Variants in MED24 observed in about 807,000 individuals in gnomAD.
The protein encoded by MED24 is mediator complex subunit 24.
A neutral mutation model predicts 118.8 loss-of-function variants in MED24; 74 were observed. The ratio of observed to expected loss-of-function variants is 0.62; its 90% CI spans 0.52 to 0.76. The LOEUF (loss-of-function observed/expected upper bound fraction) is 0.76, where lower values mean the gene tolerates loss of function less well. Ranked by LOEUF, MED24 falls within the 30% of genes least tolerant of loss-of-function variation. MED24 has a pLI of 0.00. For missense variants in MED24, 1,041 were observed against 1,278.9 expected (o/e 0.81, Z 2.84); for synonymous variants, 521 against 523.9 (o/e 0.99, Z 0.08).
At position 40,022,024 on chromosome 17, in the gene MED24, C is replaced by G; in HGVS notation, c.2554G>C (p.Val852Leu). ...AGTCGCATCAACTTCGAAGGCTGCACATCGTCCAGGGGGAAGAGGCTGATA... is the reference window on the plus strand; with the variant it reads ...AGTCGCATCAACTTCGAAGGCTGCAGATCGTCCAGGGGGAAGAGGCTGATA... ...DYISLFPLDD[V>L]QPSKLMRLLS... The change falls in exon 23 of 26, where the codon GTG becomes CTG. Residue 852 changes from valine to leucine, a missense_variant. Physicochemically the swap from Val to Leu is conservative, Grantham distance 32 (BLOSUM62 1). Around this residue, in one of 3 missense-constraint regions of MED24, gnomAD observed 587 missense variants for 694.4 expected, o/e 0.85. Coordinates refer to ENST00000394128, the MANE Select transcript of MED24 (RefSeq NM_014815.4). 3 of 1,611,654 alleles carry G rather than the reference C, an allele frequency of 1.9e-6. No homozygotes were observed. Among genetic ancestry groups the G allele is most frequent in the Non-Finnish European group, 2.5e-6 (3 of 1,178,796 alleles).
At chr17:40,044,246 G>A (rs769974223) in intron 3 of MED24, among the ~76,000 whole-genome samples, 7 of 151,860 alleles carry the variant, frequency 4.6e-5, no homozygotes, top group East Asian at 1.9e-4. Context: ...TAGGCCGGGC[G>A]CAGTGGCTTA....
rs372527211 is a variant in MED24 at position 40,029,814 on chromosome 17, A to G, written c.1200T>C (p.Asn400=). 6.2e-7 allele frequency: 1 copy of G among 1,614,090 alleles called. No homozygotes were observed. Among genetic ancestry groups the G allele is most frequent in the Non-Finnish European group, 8.5e-7 (1 of 1,179,994 alleles). Residue 400 remains asparagine, a synonymous_variant, in exon 13 of 26, where the codon AAT becomes AAC. Coordinates refer to ENST00000394128, the MANE Select transcript of MED24 (RefSeq NM_014815.4). ...EHAPQQKSGE[N]ANIQPNIQLI... ...GCTGGATGTTGGGCTGGATGTTGGC[A>G]TTCTCTCCCGATTTCTGCTGGGGTG... is the stretch of plus-strand genomic sequence containing the variant.
intron 19 of MED24, among the ~76,000 whole-genome samples, chr17:40,024,882 C>T (rs1299918300): frequency 1.3e-5 from 2 of 152,010 alleles, no homozygotes; most frequent in Non-Finnish European, 2.9e-5. Context: ...ATTGCAGGCG[C>T]CTGCCACCAC....
chr17:40,019,552 C>A lies in MED24; in HGVS notation c.2947G>T (p.Ala983Ser). ...CCTCAGAGTGCAGCAATGGCTTTAG[C>A]AGCCACCTGGCGGCCCAGGGGCAGG... ...LSLPLGRQVA[A>S]KAIAAL Residue 983 changes from alanine (A) to serine (S), a missense_variant, in exon 26 of 26, where the codon GCT (alanine) becomes TCT (serine). Ala to Ser is a moderately conservative substitution (Grantham distance 99). Around this residue, in one of 3 missense-constraint regions of MED24, gnomAD observed 587 missense variants for 694.4 expected, o/e 0.85. Coordinates refer to ENST00000394128, the MANE Select transcript of MED24 (RefSeq NM_014815.4). 2 of 1,612,368 alleles carry A rather than the reference C, an allele frequency of 1.2e-6. No individual in the cohort carries two copies. The highest frequency in any genetic ancestry group is 1.7e-6 in the Non-Finnish European group (2 of 1,179,596).
chr17:40,023,352 CG>C lies in MED24; in HGVS notation c.2028del (p.Asp676GlufsTer36). 6.2e-7 allele frequency: 1 copy of C among 1,611,944 alleles called. No homozygotes were observed. The highest frequency in any genetic ancestry group is 8.5e-7 in the Non-Finnish European group (1 of 1,178,710). On this transcript the variant is annotated frameshift_variant, in exon 20 of 26. Coordinates refer to ENST00000394128, the MANE Select transcript of MED24 (RefSeq NM_014815.4). LOFTEE classifies it high-confidence loss of function. ...ATCTGCGTGGCTGTCTGCTGCAGCA[CG>C]TCGGCACACATGCGCTCCAGGATCG... is the stretch of plus-strand genomic sequence containing the variant. Reference protein sequence around the residue: ...MNSILERMCADVLQQTATQIK... With the variant: ...MNSILERMCAXVLQQTATQIK...
chr17:40,028,803 G>T, intron 14 of MED24, 23 bp downstream of exon 14: 3 of 1,612,664 alleles, frequency 1.9e-6, no homozygotes, highest in Non-Finnish European at 1.7e-6. Context: ...ACGCCCTGGG[G>T]TCAGGGGCTT....
intron 3 of MED24, among the ~76,000 whole-genome samples, chr17:40,047,806 T>C (rs945981772): frequency 4.0e-5 from 6 of 151,540 alleles, no homozygotes; most frequent in Non-Finnish European, 8.8e-5. Context: ...CTCGGTTCAC[T>C]GCAACCTCCG....
intron 24 of MED24, 153 bp from the exon 25 acceptor site, chr17:40,020,086 T>A: frequency 9.6e-7 from 1 of 1,038,984 alleles, no homozygotes. Flanking sequence ...TAAAAGGCAA[T>A]TGGGGAGGGG....
chr17:40,036,686 CA>C (rs68118020), intron 3 of MED24, among the ~76,000 whole-genome samples: 23,973 of 91,114 alleles, frequency 0.26, 1,880 homozygotes, highest in African/African-American at 0.39. Flanking sequence ...GACTCTGTCT[CA>C]AAAAAAAAAA....
At chr17:40,044,114 T>G (rs1598364954) in intron 3 of MED24, among the ~76,000 whole-genome samples, 5 of 100,702 alleles carry the variant, frequency 5.0e-5, no homozygotes, top group Admixed American at 3.0e-4. Flanking sequence ...GATGAAGGAG[T>G]GAGACTCTGT....
At position 40,033,547 on chromosome 17, in the gene MED24, G is replaced by A. The variant is rs867011704; in HGVS notation, c.560-91C>T. Reference sequence around the variant, plus strand: ...ACTCCTCGATTTTGGCACTCCCTCCGGCACACGAAACCACACAGGAAGGCT... The same window carrying A: ...ACTCCTCGATTTTGGCACTCCCTCCAGCACACGAAACCACACAGGAAGGCT... On this transcript the variant is annotated intron_variant, in intron 6 of 25. Coordinates refer to ENST00000394128, the MANE Select transcript of MED24 (RefSeq NM_014815.4). This position sits in a 1 kb window ranked among gnomAD's most constrained non-coding sequence, Gnocchi z 5.2. The A allele has an allele frequency of 2.4e-5, 25 of 1,028,592 alleles. No homozygotes were observed. Among genetic ancestry groups the A allele is most frequent in the Middle Eastern group, 4.0e-4 (2 of 5,010 alleles). The allele number at this position is 1,028,592 out of a possible 1,614,324, so 63.7% of individuals were successfully genotyped here.
Position 40,053,334 on chromosome 17 carries a change from G to GA in MED24, c.176dup (p.Ile60HisfsTer10). The GA allele has an allele frequency of 6.2e-7, 1 of 1,612,706 alleles. No homozygotes were observed. The highest frequency in any genetic ancestry group is 8.5e-7 in the Non-Finnish European group (1 of 1,179,074). On this transcript the variant is annotated frameshift_variant, in exon 3 of 26. Coordinates refer to ENST00000394128, the MANE Select transcript of MED24 (RefSeq NM_014815.4). LOFTEE classifies it high-confidence loss of function. ...TGGCATACTTCAGGTAGGACAAGAT[G>GA]AGAGGATTGGGGGATGGTCCAATCA... is the stretch of plus-strand genomic sequence containing the variant.
chr17:40,021,903 G>A (rs930164029), intron 23 of MED24, 52 bp downstream of exon 23: 1 of 1,328,506 alleles, frequency 7.5e-7, no homozygotes, highest in Non-Finnish European at 1.0e-6. Context: ...GGCAGCATCG[G>A]GGAGTGAATT....
At position 40,019,652 on chromosome 17, in the gene MED24, C is replaced by CG; in HGVS notation, c.2854-8dup. 1 of 1,588,148 alleles carries CG rather than the reference C, an allele frequency of 6.3e-7. No individual in the cohort carries two copies. The highest frequency in any genetic ancestry group is 8.6e-7 in the Non-Finnish European group (1 of 1,163,468). ...CCTTCACCAGTTCCGACACCTGCCACGGACAGACAGATGCTGCTTGCGGGA... is the reference window on the plus strand; with the variant it reads ...CCTTCACCAGTTCCGACACCTGCCACGGGACAGACAGATGCTGCTTGCGGGA... On this transcript the variant is annotated splice_region_variant and splice_polypyrimidine_tract_variant and intron_variant, in intron 25 of 25. Transcript: ENST00000394128.
At chr17:40,020,118 G>A in intron 24 of MED24, 155 bp downstream of exon 24, 2 of 1,009,608 alleles carry the variant, frequency 2.0e-6, no homozygotes, top group South Asian at 1.5e-5. Context: ...CTAGACAGGA[G>A]CCTGGGGGCC....
chr17:40,038,206 T>A (rs1984166553), intron 3 of MED24, among the ~76,000 whole-genome samples: 1 of 144,672 alleles, frequency 6.9e-6, no homozygotes, highest in Non-Finnish European at 1.5e-5. Flanking sequence ...TTATATCTGT[T>A]TCTCTAGCAT....
At chr17:40,023,463 A>C in intron 19 of MED24, 68 bp from the exon 20 acceptor site, 4 of 1,426,558 alleles carry the variant, frequency 2.8e-6, no homozygotes, top group Non-Finnish European at 3.8e-6. Context: ...AGGAGGGAAC[A>C]CCCATGCCAG....
At chr17:40,040,603 T>G (rs1984458063) in intron 3 of MED24, among the ~76,000 whole-genome samples, 1 of 150,142 alleles carries the variant, frequency 6.7e-6, no homozygotes, top group African/African-American at 2.5e-5. Flanking sequence ...ATATAAAAGT[T>G]TTTTTTTTTA....
chr17:40,030,388 C>T (rs528908350), intron 12 of MED24, among the ~76,000 whole-genome samples: 3 of 152,040 alleles, frequency 2.0e-5, no homozygotes, highest in African/African-American at 7.2e-5. Flanking sequence ...CTCTGCTTTC[C>T]GGGTTCAAGT....
Sources: allele counts gnomAD v4.1 joint callset (sites outside exome capture counted in the v4.1 genomes callset), GRCh38; gene constraint gnomAD v4.1.1; regional missense constraint gnomAD v4.1.1; non-coding constraint Gnocchi (gnomAD v3.1); transcripts MANE v1.5; gene names NCBI Gene and HGNC (gene_info 2026-07-23, HGNC 2026-07-21).